Variants in PHACTR1 observed in about 807,000 individuals in gnomAD.
The protein encoded by PHACTR1 is phosphatase and actin regulator 1.
Under a neutral mutation model 69.2 loss-of-function variants are expected in PHACTR1, and 16 were observed. The ratio of observed to expected loss-of-function variants is 0.23; its 90% CI spans 0.16 to 0.35. The LOEUF (loss-of-function observed/expected upper bound fraction) is 0.35, where lower values mean the gene tolerates loss of function less well. Among genes scored for constraint, PHACTR1 ranks in the 10% least tolerant of loss-of-function variants. PHACTR1 has a pLI of 1.00. For synonymous variants in PHACTR1, 312 were observed against 284.5 expected (o/e 1.10, Z -0.97); for missense variants, 510 against 734.7 (o/e 0.69, Z 3.54).
chr6:13,195,245 C>T (rs1264794420), intron 7 of PHACTR1, among the ~76,000 whole-genome samples: 6 of 152,078 alleles, frequency 3.9e-5, no homozygotes, highest in Non-Finnish European at 5.9e-5. Context: ...CCAATAGGCC[C>T]TTTATTATAG....
At chr6:13,061,163 C>T (rs951322208) in intron 5 of PHACTR1, among the ~76,000 whole-genome samples, 11 of 152,164 alleles carry the variant, frequency 7.2e-5, no homozygotes, top group African/African-American at 2.7e-4. Flanking sequence ...TCTCTTTCTC[C>T]TTTTCTCTTA....
At chr6:12,962,053 T>G (rs1488150980) in intron 4 of PHACTR1, among the ~76,000 whole-genome samples, 1 of 152,090 alleles carries the variant, frequency 6.6e-6, no homozygotes, top group Non-Finnish European at 1.5e-5. Context: ...CTCAGCCTTC[T>G]GTGTAGCTGG....
chr6:12,849,385 T>C (rs918332956), intron 4 of PHACTR1, among the ~76,000 whole-genome samples: 24 of 152,290 alleles, frequency 1.6e-4, no homozygotes, highest in Middle Eastern at 3.4e-3. Context: ...AGGTACCCTA[T>C]GTCGGGGAAT....
intron 4 of PHACTR1, among the ~76,000 whole-genome samples, chr6:12,992,234 T>G (rs1309891178): frequency 6.6e-6 from 1 of 152,126 alleles, no homozygotes; most frequent in South Asian, 2.1e-4. Context: ...GAAAATGAAG[T>G]CCCTTCATGG....
chr6:12,890,636 C>A (rs550925391), intron 4 of PHACTR1, among the ~76,000 whole-genome samples: 5 of 152,282 alleles, frequency 3.3e-5, no homozygotes, highest in Non-Finnish European at 7.4e-5. Flanking sequence ...CGTTCGGTTT[C>A]CCTTTGCCTG....
chr6:13,041,409 A>G (rs1379743592), intron 4 of PHACTR1, among the ~76,000 whole-genome samples: 1 of 149,820 alleles, frequency 6.7e-6, no homozygotes, highest in South Asian at 2.2e-4. Context: ...GCAAGGATCA[A>G]CACCCTTGCA....
At chr6:12,901,713 C>T (rs1785216594) in intron 4 of PHACTR1, among the ~76,000 whole-genome samples, 1 of 152,138 alleles carries the variant, frequency 6.6e-6, no homozygotes, top group South Asian at 2.1e-4. Context: ...TCAGGCTGGT[C>T]TCGAACTCCT....
rs1303952094 is a variant in PHACTR1 at position 13,246,291 on chromosome 6, A to G, written c.1391+16098A>G. 6.6e-6 allele frequency among the ~76,000 whole-genome samples: 1 copy of G among 152,220 alleles called. No individual in the cohort carries two copies. The highest frequency in any genetic ancestry group is 2.4e-5 in the African/African-American group (1 of 41,454). On this transcript the variant is annotated intron_variant, in intron 10 of 14. Coordinates refer to ENST00000332995, the MANE Select transcript of PHACTR1 (RefSeq NM_030948.6). The surrounding 1 kb of genome is among the most constrained non-coding windows in gnomAD (Gnocchi z 4.2). Reference sequence around the variant, plus strand: ...TATTCAGTTATCAAAAGGCCCATGTAAAAGGAATCCTTGAATTCTCCCACA... The same window carrying G: ...TATTCAGTTATCAAAAGGCCCATGTGAAAGGAATCCTTGAATTCTCCCACA...
At chr6:12,733,791 A>T (rs1207558749) in intron 3 of PHACTR1, among the ~76,000 whole-genome samples, 1 of 152,246 alleles carries the variant, frequency 6.6e-6, no homozygotes, top group African/African-American at 2.4e-5. Flanking sequence ...AATTAGAAAT[A>T]CTAGAACCTT....
chr6:13,225,731 C>T (rs990353481), intron 8 of PHACTR1, among the ~76,000 whole-genome samples: 3 of 152,170 alleles, frequency 2.0e-5, no homozygotes, highest in South Asian at 2.1e-4. Context: ...CCCCAGCTCC[C>T]GGCTGCCGTT....
intron 4 of PHACTR1, among the ~76,000 whole-genome samples, chr6:13,011,640 T>G (rs1167497907): frequency 6.6e-6 from 1 of 152,218 alleles, no homozygotes; most frequent in South Asian, 2.1e-4. Flanking sequence ...TCTTAGTTGC[T>G]TTAATGAGGT....
At chr6:13,270,164 T>C (rs1176309842) in intron 10 of PHACTR1, among the ~76,000 whole-genome samples, 1 of 152,238 alleles carries the variant, frequency 6.6e-6, no homozygotes, top group East Asian at 1.9e-4. Flanking sequence ...CTAAGACAGC[T>C]CACAGAACTC....
At chr6:12,968,022 G>C (rs1241775607) in intron 4 of PHACTR1, among the ~76,000 whole-genome samples, 4 of 152,228 alleles carry the variant, frequency 2.6e-5, no homozygotes, top group Non-Finnish European at 5.9e-5. Context: ...CAACATGGCA[G>C]AGCTGGCTTT....
At chr6:12,862,210 T>C (rs1781012030) in intron 4 of PHACTR1, among the ~76,000 whole-genome samples, 2 of 152,186 alleles carry the variant, frequency 1.3e-5, no homozygotes, top group African/African-American at 4.8e-5. Flanking sequence ...ACCTCAATAT[T>C]CCGTATGAAA....
intron 4 of PHACTR1, among the ~76,000 whole-genome samples, chr6:13,007,435 A>G (rs1473059314): frequency 6.6e-6 from 1 of 152,118 alleles, no homozygotes; most frequent in Non-Finnish European, 1.5e-5. Context: ...TTCAACCTCT[A>G]CCTAATCTGT....
At chr6:12,785,792 T>C (rs1403860534) in intron 4 of PHACTR1, among the ~76,000 whole-genome samples, 1 of 152,248 alleles carries the variant, frequency 6.6e-6, no homozygotes, top group East Asian at 1.9e-4. Context: ...ATGTACCATA[T>C]ACAATATGTA....
chr6:13,168,572 G>A (rs1760147216), intron 6 of PHACTR1, among the ~76,000 whole-genome samples: 1 of 152,192 alleles, frequency 6.6e-6, no homozygotes, highest in South Asian at 2.1e-4. Flanking sequence ...CTGATGACGG[G>A]TTTAGTCTGC....
chr6:12,818,636 C>G (rs1423131118), intron 4 of PHACTR1, among the ~76,000 whole-genome samples: 1 of 152,130 alleles, frequency 6.6e-6, no homozygotes, highest in East Asian at 1.9e-4. Flanking sequence ...TCATACAGAG[C>G]TATGAAAAGA....
At chr6:13,211,270 C>T (rs1191193416) in intron 8 of PHACTR1, among the ~76,000 whole-genome samples, 1 of 151,948 alleles carries the variant, frequency 6.6e-6, no homozygotes, top group East Asian at 1.9e-4. Context: ...CCTCACCAGC[C>T]TCCCACCCCT....
Sources: allele counts gnomAD v4.1 joint callset (sites outside exome capture counted in the v4.1 genomes callset), GRCh38; gene constraint gnomAD v4.1.1; non-coding constraint Gnocchi (gnomAD v3.1); transcripts MANE v1.5; gene names NCBI Gene and HGNC (gene_info 2026-07-23, HGNC 2026-07-21).